Variants in USP34 observed in about 807,000 individuals in gnomAD.
The protein encoded by USP34 is ubiquitin specific peptidase 34.
Under a neutral mutation model 460.3 loss-of-function variants are expected in USP34, and 70 were observed. The observed-to-expected ratio is 0.15, with a 90% CI of 0.13 to 0.19. USP34 has a LOEUF of 0.19. Ranked by LOEUF, USP34 falls within the 10% of genes least tolerant of loss-of-function variation. The probability of loss-of-function intolerance (pLI) is 1.00; values close to 1 mark genes in which losing one functional copy is unlikely to be tolerated. For missense variants in USP34, 3,985 were observed against 4,236.2 expected (o/e 0.94, Z 1.65); for synonymous variants, 1,647 against 1,405.3 (o/e 1.17, Z -3.85).
Position 61,457,003 on chromosome 2 carries a change from T to C in USP34, c.43+13647A>G, listed in dbSNP as rs371859673. Among the ~76,000 whole-genome samples, 401 of 151,470 alleles carry C rather than the reference T, an allele frequency of 2.6e-3. 1 individual carries two copies. The highest frequency in any genetic ancestry group is 9.5e-3 in the African/African-American group (394 of 41,288). ...CTGAAAAAACTAAACAGACCAGTGG[T>C]GACTGCTCACACCTGTAACCCCAGC... On this transcript the variant is annotated intron_variant, in intron 1 of 79. Coordinates refer to ENST00000398571, the MANE Select transcript of USP34 (RefSeq NM_014709.4).
intron 75 of USP34, among the ~76,000 whole-genome samples, chr2:61,197,918 C>G (rs1020669160): frequency 3.3e-5 from 5 of 152,186 alleles, no homozygotes; most frequent in African/African-American, 7.2e-5. Context: ...CGCCACCACG[C>G]CCAGCTAGAT....
chr2:61,256,118 A>G (rs1347407317), intron 48 of USP34, among the ~76,000 whole-genome samples: 1 of 152,212 alleles, frequency 6.6e-6, no homozygotes, highest in Non-Finnish European at 1.5e-5. Flanking sequence ...AAAATGATCA[A>G]TGTACTTATC....
intron 16 of USP34, among the ~76,000 whole-genome samples, chr2:61,343,462 A>G (rs1691667206): frequency 6.6e-6 from 1 of 152,110 alleles, no homozygotes; most frequent in Admixed American, 6.6e-5. Context: ...GAATCATACA[A>G]TTTTATCTTT....
At position 61,217,020 on chromosome 2, in the gene USP34, A is replaced by G. The variant is rs140558323; in HGVS notation, c.8048-2326T>C. Among the ~76,000 whole-genome samples the G allele has an allele frequency of 3.2e-3, 419 of 130,470 alleles. 1 individual carries two copies. The highest frequency in any genetic ancestry group is 0.011 in the African/African-American group (391 of 34,430). The allele number at this position is 130,470 out of a possible 152,430, so 85.6% of individuals were successfully genotyped here. On this transcript the variant is annotated intron_variant, in intron 67 of 79. Coordinates refer to ENST00000398571, the MANE Select transcript of USP34 (RefSeq NM_014709.4). The stretch of plus-strand genomic sequence containing the variant: ...GGACACATAAGGTTGGAAAAGCTCT[A>G]CTAAGACCACAGACCTACCACCGAG...
At chr2:61,293,628 A>G (rs1490732175) in intron 32 of USP34, 78 bp from the exon 33 acceptor site, 39 of 977,120 alleles carry the variant, frequency 4.0e-5, no homozygotes, top group Non-Finnish European at 5.8e-5. Context: ...CAGTAACTGG[A>G]TATGTAAAAT....
intron 30 of USP34, 63 bp from the exon 31 acceptor site, chr2:61,295,353 T>A: frequency 1.3e-6 from 2 of 1,505,898 alleles, no homozygotes; most frequent in Non-Finnish European, 1.8e-6. Context: ...AAGAAAAACT[T>A]TAAACAAACT....
At chr2:61,445,395 C>CATG (rs1695083243) in intron 1 of USP34, among the ~76,000 whole-genome samples, 1 of 151,564 alleles carries the variant, frequency 6.6e-6, no homozygotes, top group South Asian at 2.1e-4. Flanking sequence ...GTTAGCGGGG[C>CATG]GTGGTGGCAA....
rs148482394 is a variant in USP34, at chr2:61,432,218, A to C, written c.44-11385T>G. Among the ~76,000 whole-genome samples, 409 of 152,038 alleles carry C rather than the reference A, an allele frequency of 2.7e-3. 2 individuals carry two copies. Among genetic ancestry groups the C allele is most frequent in the African/African-American group, 9.4e-3 (390 of 41,474 alleles). ...ATGGAATGTAGTGACATTTTCCTGT[A>C]ATCCTAGCACTTTGAGTGGCCAAGG... On this transcript the variant is annotated intron_variant, in intron 1 of 79. Coordinates refer to ENST00000398571, the MANE Select transcript of USP34 (RefSeq NM_014709.4).
At chr2:61,329,935 T>C (rs938686712) in intron 20 of USP34, among the ~76,000 whole-genome samples, 1 of 152,154 alleles carries the variant, frequency 6.6e-6, no homozygotes, top group African/African-American at 2.4e-5. Context: ...ACTGCCTTCC[T>C]AATTTGACAG....
chr2:61,235,225 T>C (rs1688031411), intron 57 of USP34, among the ~76,000 whole-genome samples: 1 of 152,190 alleles, frequency 6.6e-6, no homozygotes, highest in South Asian at 2.1e-4. Flanking sequence ...ATTTTTGTCA[T>C]TTATACCTTA....
intron 3 of USP34, among the ~76,000 whole-genome samples, 166 bp downstream of exon 3, chr2:61,405,542 T>C (rs1693846342): frequency 6.6e-6 from 1 of 152,198 alleles, no homozygotes; most frequent in African/African-American, 2.4e-5. Context: ...CGAGCAAATT[T>C]TCAGCACAAA....
intron 18 of USP34, among the ~76,000 whole-genome samples, chr2:61,336,020 G>A (rs978874758): frequency 6.6e-6 from 1 of 152,018 alleles, no homozygotes; most frequent in African/African-American, 2.4e-5. Context: ...ATATTTTAAA[G>A]AAGTATATTC....
intron 15 of USP34, 106 bp downstream of exon 15, chr2:61,347,764 C>A: frequency 6.7e-7 from 1 of 1,503,398 alleles, no homozygotes; most frequent in South Asian, 1.3e-5. Flanking sequence ...TTGCACTATA[C>A]TACTAATGAA....
intron 18 of USP34, among the ~76,000 whole-genome samples, chr2:61,336,510 G>GAA (rs113096182): frequency 2.1e-5 from 3 of 141,234 alleles, no homozygotes; most frequent in Admixed American, 7.1e-5. Context: ...GGCACAAAGA[G>GAA]AAAAAAAAAA....
chr2:61,231,237 G>C (rs1044358897), intron 58 of USP34, among the ~76,000 whole-genome samples: 1 of 151,830 alleles, frequency 6.6e-6, no homozygotes. Flanking sequence ...AGGTATTGAG[G>C]AGAGAGGACA....
intron 41 of USP34, among the ~76,000 whole-genome samples, chr2:61,276,809 T>A (rs1689386199): frequency 1.3e-5 from 2 of 152,156 alleles, no homozygotes; most frequent in South Asian, 4.1e-4. Context: ...TTAGGGGAAG[T>A]AGCAAAGATT....
rs541177628 is a variant in USP34, at chr2:61,195,692, T to C, written c.9509-2712A>G. Among the ~76,000 whole-genome samples, 15 of 151,876 alleles carry C rather than the reference T, an allele frequency of 9.9e-5. No individual in the cohort carries two copies. The South Asian group carries it at 1.7e-3, about 17-fold the overall frequency. ...GTCTCAAACAAAACAAAAAAACCAT[T>C]AGCCAAACAAAAAACAGTATGTTAC... On this transcript the variant is annotated intron_variant, in intron 75 of 79. Coordinates refer to ENST00000398571, the MANE Select transcript of USP34 (RefSeq NM_014709.4).
At chr2:61,237,082 C>CT (rs1688090318) in intron 53 of USP34, among the ~76,000 whole-genome samples, 1 of 152,162 alleles carries the variant, frequency 6.6e-6, no homozygotes, top group African/African-American at 2.4e-5. Context: ...CTTTGCCTCT[C>CT]CAGCCCACTA....
chr2:61,404,894 C>A (rs1269046229), intron 3 of USP34, among the ~76,000 whole-genome samples: 1 of 151,982 alleles, frequency 6.6e-6, no homozygotes, highest in African/African-American at 2.4e-5. Flanking sequence ...CTTGCAAAAA[C>A]ATCACTAATA....
Sources: allele counts gnomAD v4.1 joint callset (sites outside exome capture counted in the v4.1 genomes callset), GRCh38; gene constraint gnomAD v4.1.1; transcripts MANE v1.5; gene names NCBI Gene and HGNC (gene_info 2026-07-23, HGNC 2026-07-21).